Variants in MYO9A observed in about 807,000 individuals in gnomAD.
The protein encoded by MYO9A is myosin IXA.
In MYO9A, 103 loss-of-function variants were observed where a neutral mutation model predicts 293.3. The ratio of observed to expected loss-of-function variants is 0.35; its 90% CI spans 0.30 to 0.41. The LOEUF is 0.41. Ranked by LOEUF, MYO9A falls within the 10% of genes least tolerant of loss-of-function variation. The pLI is 1.00. For synonymous variants in MYO9A, 1,001 were observed against 1,035.7 expected, an observed-to-expected ratio of 0.97 and a Z score of 0.64; for missense variants, 2,685 against 3,033.0, an observed-to-expected ratio of 0.89 and a Z score of 2.69.
intron 19 of MYO9A, among the ~76,000 whole-genome samples, chr15:71,912,889 C>G (rs983735462): frequency 6.6e-6 from 1 of 151,986 alleles, no homozygotes; most frequent in African/African-American, 2.4e-5. Flanking sequence ...TGTCTCTTTT[C>G]TCCCTCTGGC....
chr15:72,063,667 G>A (rs1319862585), intron 1 of MYO9A, among the ~76,000 whole-genome samples: 1 of 152,168 alleles, frequency 6.6e-6, no homozygotes, highest in Non-Finnish European at 1.5e-5. Context: ...ATGCTGGCAA[G>A]GATGTAAAGA....
intron 12 of MYO9A, among the ~76,000 whole-genome samples, chr15:71,968,478 G>A (rs933513506): frequency 8.6e-5 from 13 of 151,972 alleles, no homozygotes; most frequent in African/African-American, 2.7e-4. Context: ...TACTCTTTGG[G>A]GCCAACAACT....
rs1273891550 is a variant in MYO9A at position 71,840,650 on chromosome 15, G to T, written c.6837+8195C>A. ...GGCTTTCTTTTTTTGTTTTTTTTGA[G>T]ACGGAGTCTTGCTCTGTCGCCCAGG... On this transcript the variant is annotated intron_variant, in intron 39 of 41. Coordinates refer to ENST00000356056, the MANE Select transcript of MYO9A (RefSeq NM_006901.4). Among the ~76,000 whole-genome samples, 3 of 151,652 alleles carry T rather than the reference G, an allele frequency of 2.0e-5. No homozygotes were observed. The East Asian group carries it at 5.8e-4, about 29-fold the overall frequency.
chr15:72,054,678 C>CA lies in MYO9A; in HGVS notation c.-71-8045dup, dbSNP rs11284116. 7.4e-4 allele frequency among the ~76,000 whole-genome samples: 47 copies of CA among 63,920 alleles called. 1 individual carries two copies. The highest frequency in any genetic ancestry group is 2.7e-3 in the African/African-American group (41 of 14,940). The allele number at this position is 63,920 out of a possible 152,430, so 41.9% of individuals were successfully genotyped here. On this transcript the variant is annotated intron_variant, in intron 1 of 41. Coordinates refer to ENST00000356056, the MANE Select transcript of MYO9A (RefSeq NM_006901.4). ...CTGGAGACACAGCGAGACTCTGTCT[C>CA]AAAAAAAAAAAAAAAAAAAAAAAAA...
chr15:72,070,965 G>GA (rs1567007700), intron 1 of MYO9A, among the ~76,000 whole-genome samples: 2 of 152,008 alleles, frequency 1.3e-5, no homozygotes, highest in African/African-American at 2.4e-5. Flanking sequence ...GAGGAAACTA[G>GA]AAAAAAAATT....
rs763108489 is a variant in MYO9A, at chr15:71,862,598, T to C, written c.5993A>G (p.Asn1998Ser). The change falls in exon 33 of 42, where the codon AAT (asparagine) becomes AGT (serine). Residue 1998 changes from asparagine (N) to serine (S), a missense_variant. Physicochemically the swap from Asn to Ser is conservative, Grantham distance 46. This residue lies in a region of MYO9A where 1,434 missense variants were observed against 1,497.7 expected (regional missense o/e 0.96). Transcript: ENST00000356056. Reference sequence around the variant, plus strand: ...TTGGGTGGCTTTAAAGATGTGACCATTGTGTTCTTCCACCTGAATGAAAAA... The same window carrying C: ...TTGGGTGGCTTTAAAGATGTGACCACTGTGTTCTTCCACCTGAATGAAAAA... ...KKETDLVEEH[N>S]GHIFKATQYS... The C allele has an allele frequency of 2.5e-5, 41 of 1,609,706 alleles. No individual in the cohort carries two copies. The highest frequency in any genetic ancestry group is 1.6e-4 in the Middle Eastern group (1 of 6,074).
chr15:71,914,742 GAA>G (rs751690986), intron 19 of MYO9A, among the ~76,000 whole-genome samples: 5 of 151,622 alleles, frequency 3.3e-5, no homozygotes, highest in Non-Finnish European at 7.4e-5. Context: ...TTAGAAATAT[GAA>G]AGAGGACTCT....
At chr15:72,100,838 GC>G (rs1247213586) in intron 1 of MYO9A, among the ~76,000 whole-genome samples, 3 of 151,424 alleles carry the variant, frequency 2.0e-5, no homozygotes, top group Non-Finnish European at 3.0e-5. Context: ...GAGCGTCTCC[GC>G]CCGGCCAGCC....
chr15:71,988,639 T>C (rs1296532077), intron 11 of MYO9A, among the ~76,000 whole-genome samples: 1 of 152,184 alleles, frequency 6.6e-6, no homozygotes. Context: ...GATCCAATGA[T>C]AGGAGACTTG....
intron 13 of MYO9A, 144 bp downstream of exon 13, chr15:71,967,840 T>C: frequency 3.8e-6 from 3 of 795,254 alleles, no homozygotes; most frequent in Non-Finnish European, 5.4e-6. Flanking sequence ...AAAAGCAGAA[T>C]CTAAGTTTTA....
At chr15:71,955,837 C>G (rs1036380478) in intron 14 of MYO9A, among the ~76,000 whole-genome samples, 1 of 152,144 alleles carries the variant, frequency 6.6e-6, no homozygotes, top group Admixed American at 6.5e-5. Flanking sequence ...TCCTCCCCAT[C>G]TCTTAGCTCT....
At chr15:71,938,721 T>C in intron 16 of MYO9A, 131 bp downstream of exon 16, 1 of 709,160 alleles carries the variant, frequency 1.4e-6, no homozygotes, top group Non-Finnish European at 2.2e-6. Context: ...ACATCACTTA[T>C]AAAGGATTCA....
At chr15:71,914,720 C>T (rs1223435328) in intron 19 of MYO9A, among the ~76,000 whole-genome samples, 1 of 151,968 alleles carries the variant, frequency 6.6e-6, no homozygotes, top group African/African-American at 2.4e-5. Flanking sequence ...TTTGTAATAA[C>T]TTAATGGCCG....
chr15:72,015,748 C>T (rs1417038973), intron 6 of MYO9A, among the ~76,000 whole-genome samples: 4 of 139,670 alleles, frequency 2.9e-5, no homozygotes, highest in Non-Finnish European at 6.0e-5. Flanking sequence ...AGTGCAGTGG[C>T]GTGATCTCGG....
chr15:72,085,121 G>A (rs9920987), intron 1 of MYO9A, among the ~76,000 whole-genome samples: 15 of 152,092 alleles, frequency 9.9e-5, no homozygotes, highest in Non-Finnish European at 1.8e-4. Context: ...CTGGCCGGGC[G>A]TGGTGGCTCA....
At chr15:71,934,947 A>G (rs984433022) in intron 17 of MYO9A, among the ~76,000 whole-genome samples, 5 of 151,594 alleles carry the variant, frequency 3.3e-5, no homozygotes, top group African/African-American at 1.2e-4. Flanking sequence ...CCATTTATAG[A>G]TTTTCTTGCC....
chr15:71,856,914 G>T (rs1248513110), intron 34 of MYO9A, among the ~76,000 whole-genome samples: 1 of 152,164 alleles, frequency 6.6e-6, no homozygotes, highest in Non-Finnish European at 1.5e-5. Context: ...ACTTCAGAGG[G>T]TTGTTGTAGA....
chr15:71,857,063 G>A (rs191977878), intron 34 of MYO9A, among the ~76,000 whole-genome samples: 28 of 152,256 alleles, frequency 1.8e-4, no homozygotes, highest in Admixed American at 9.2e-4. Context: ...GGACACAGAT[G>A]TGCAAATACA....
chr15:71,851,315 C>T lies in MYO9A; in HGVS notation c.6519G>A (p.Val2173=), dbSNP rs768497390. 1.2e-6 allele frequency: 2 copies of T among 1,614,004 alleles called. No homozygotes were observed. The highest frequency in any genetic ancestry group is 1.3e-5 in the African/African-American group (1 of 75,034). ...GATGAGTTCGGGAGAGTTGATCAATCACAGAGTATACACCACGGATTGTCT... is the reference window on the plus strand; with the variant it reads ...GATGAGTTCGGGAGAGTTGATCAATTACAGAGTATACACCACGGATTGTCT... ...RKETIRGVYS[V]IDQLSRTHLN... Residue 2173 remains valine, a synonymous_variant, in exon 37 of 42, where the codon GTG becomes GTA. Coordinates refer to ENST00000356056, the MANE Select transcript of MYO9A (RefSeq NM_006901.4).
Sources: allele counts gnomAD v4.1 joint callset (sites outside exome capture counted in the v4.1 genomes callset), GRCh38; gene constraint gnomAD v4.1.1; regional missense constraint gnomAD v4.1.1; transcripts MANE v1.5; gene names NCBI Gene and HGNC (gene_info 2026-07-23, HGNC 2026-07-21).